QSER1: variants seen among roughly 807,000 people sequenced by gnomAD.
QSER1 encodes the protein glutamine and serine-rich protein 1.
Under a neutral mutation model 158.5 loss-of-function variants are expected in QSER1, and 49 were observed. The observed-to-expected ratio is 0.31, with a 90% CI of 0.25 to 0.39. QSER1 has a LOEUF of 0.39. QSER1 is among the 10% of genes least tolerant of loss of function. The probability of loss-of-function intolerance (pLI) is 1.00; values close to 1 mark genes in which losing one functional copy is unlikely to be tolerated. For synonymous variants in QSER1, 650 were observed against 715.5 expected, an observed-to-expected ratio of 0.91 and a Z score of 1.46; for missense variants, 1,754 against 2,010.3, an observed-to-expected ratio of 0.87 and a Z score of 2.44.
chr11:32,905,696 G>A (rs1458549326), intron 1 of QSER1, among the ~76,000 whole-genome samples: 2 of 151,986 alleles, frequency 1.3e-5, no homozygotes, highest in Admixed American at 6.6e-5. Flanking sequence ...TCTAAGACTC[G>A]TAAGTTGTGT....
intron 12 of QSER1, chr11:32,975,707 TATTA>T (rs974677354): frequency 9.4e-7 from 1 of 1,065,646 alleles, no homozygotes; most frequent in African/African-American, 1.7e-5. Context: ...CTGCCTTACT[TATTA>T]CTTAGAATGG....
At chr11:32,956,803 T>C (rs968846167) in intron 7 of QSER1, among the ~76,000 whole-genome samples, 2 of 152,156 alleles carry the variant, frequency 1.3e-5, no homozygotes, top group Non-Finnish European at 2.9e-5. Context: ...TGAGACAGGG[T>C]CTCACCCTGT....
chr11:32,927,500 C>T (rs540647295), intron 2 of QSER1, among the ~76,000 whole-genome samples: 5 of 152,200 alleles, frequency 3.3e-5, no homozygotes, highest in Non-Finnish European at 5.9e-5. Context: ...CTCCACCTCC[C>T]GGGTTCAAGT....
intron 1 of QSER1, among the ~76,000 whole-genome samples, chr11:32,901,735 T>C (rs149621041): frequency 1.1e-4 from 16 of 152,284 alleles, no homozygotes; most frequent in Admixed American, 7.8e-4. Flanking sequence ...GCGTTGGTAC[T>C]AGATTTTAGA....
Position 32,893,938 on chromosome 11 carries a change from G to A in QSER1, c.209+604G>A, listed in dbSNP as rs939184619. Among the ~76,000 whole-genome samples the A allele has an allele frequency of 1.1e-4, 17 of 152,342 alleles. No individual in the cohort carries two copies. Among genetic ancestry groups the A allele is most frequent in the African/African-American group, 4.1e-4 (17 of 41,572 alleles). On this transcript the variant is annotated intron_variant, in intron 1 of 12. Coordinates refer to ENST00000650167, the MANE Select transcript of QSER1 (RefSeq NM_001076786.3). This position sits in a 1 kb window ranked among gnomAD's most constrained non-coding sequence, Gnocchi z 4.7. ...CGGGTGACATATGTTTGCGCTGGTG[G>A]CCAAGATTTAGGCGATTTTTCTTCC... is the stretch of plus-strand genomic sequence containing the variant.
chr11:32,976,813 C>A lies in QSER1; in HGVS notation c.*339C>A. The A allele has an allele frequency of 4.8e-6, 1 of 209,722 alleles. No homozygotes were observed. Among genetic ancestry groups the A allele is most frequent in the Non-Finnish European group, 9.4e-6 (1 of 106,248 alleles). 13.0% of individuals were successfully genotyped at this position (209,722 alleles called of 1,614,324 possible). A position where few individuals can be genotyped will look rare whatever the true frequency, so the allele number is the denominator to read the frequency against. On this transcript the variant is annotated 3_prime_UTR_variant, in exon 13 of 13. Coordinates refer to ENST00000650167, the MANE Select transcript of QSER1 (RefSeq NM_001076786.3). ...TTTTTTTATTGCTAGAGAAGTAACA[C>A]TTAAAGTAACGATTTTTTTTTTCTG...
chr11:32,968,322 A>G (rs1253027015), intron 9 of QSER1, among the ~76,000 whole-genome samples: 1 of 152,172 alleles, frequency 6.6e-6, no homozygotes, highest in Non-Finnish European at 1.5e-5. Context: ...ATTATAAAAT[A>G]TAATAAAGTA....
intron 4 of QSER1, among the ~76,000 whole-genome samples, chr11:32,949,329 T>A (rs562850039): frequency 7.2e-5 from 11 of 152,324 alleles, no homozygotes; most frequent in African/African-American, 2.6e-4. Flanking sequence ...GTCAGTGACA[T>A]TGCTATAACA....
chr11:32,911,520 A>T (rs1439580041), intron 1 of QSER1, among the ~76,000 whole-genome samples: 1 of 152,194 alleles, frequency 6.6e-6, no homozygotes, highest in East Asian at 1.9e-4. Flanking sequence ...CCCCACCCAT[A>T]TCTTATCTCA....
chr11:32,922,066 A>G (rs75003566), intron 1 of QSER1, among the ~76,000 whole-genome samples: 17 of 152,312 alleles, frequency 1.1e-4, no homozygotes, highest in Middle Eastern at 3.4e-3. Flanking sequence ...ATGAGTATCA[A>G]CCTTTTACAC....
chr11:32,923,934 C>T (rs1403893812), intron 1 of QSER1, among the ~76,000 whole-genome samples: 1 of 152,146 alleles, frequency 6.6e-6, no homozygotes, highest in African/African-American at 2.4e-5. Context: ...CACCACTGCA[C>T]TCCAGCCTGG....
intron 1 of QSER1, among the ~76,000 whole-genome samples, chr11:32,896,294 A>T (rs970841637): frequency 4.6e-5 from 7 of 152,204 alleles, no homozygotes; most frequent in African/African-American, 1.7e-4. Flanking sequence ...TTCGTATTTG[A>T]ATATGCACCA....
At chr11:32,897,859 C>T (rs188874923) in intron 1 of QSER1, among the ~76,000 whole-genome samples, 378 of 152,320 alleles carry the variant, frequency 2.5e-3, no homozygotes, top group Non-Finnish European at 4.2e-3. Context: ...GTAGTCATAC[C>T]TCTGTCCACT....
chr11:32,933,478 C>A lies in QSER1; in HGVS notation c.2220C>A (p.Ile740=). The A allele has an allele frequency of 6.2e-7, 1 of 1,611,798 alleles. No homozygotes were observed. The highest frequency in any genetic ancestry group is 1.1e-5 in the South Asian group (1 of 90,474). The part of the protein sequence containing the change: ...KADDRYSQSV[I]RSNSRLEDQV... ...ATGACAGATATTCTCAGAGTGTAAT[C>A]AGAAGTAATTCCCGTCTTGAAGATC... Residue 740 remains isoleucine (I), a synonymous_variant, in exon 4 of 13, where the codon ATC becomes ATA. Transcript: ENST00000650167.
chr11:32,941,509 A>G (rs1590171427), intron 4 of QSER1, among the ~76,000 whole-genome samples: 1 of 151,214 alleles, frequency 6.6e-6, no homozygotes. Flanking sequence ...GCGATAGTTT[A>G]CTGAGAATGA....
rs561428899 is a variant in QSER1 at position 32,918,406 on chromosome 11, T to C, written c.210-8751T>C. On this transcript the variant is annotated intron_variant, in intron 1 of 12. Transcript: ENST00000650167. Reference sequence around the variant, plus strand: ...AGAGGACAGAGTAAGGATGTTGTTTTTTATGGGGTGGTCAGGGAAATCTTG... The same window carrying C: ...AGAGGACAGAGTAAGGATGTTGTTTCTTATGGGGTGGTCAGGGAAATCTTG... Among the ~76,000 whole-genome samples, 28 of 151,956 alleles carry C rather than the reference T, an allele frequency of 1.8e-4. No homozygotes were observed. In the South Asian group the frequency reaches 3.1e-3, roughly 17 times the overall value.
chr11:32,938,088 T>C (rs1334524392), intron 4 of QSER1, among the ~76,000 whole-genome samples: 1 of 152,202 alleles, frequency 6.6e-6, no homozygotes, highest in Admixed American at 6.5e-5. Context: ...TGAAGGGTTA[T>C]GGTTGAGAAT....
At chr11:32,897,770 T>A (rs1482114898) in intron 1 of QSER1, among the ~76,000 whole-genome samples, 2 of 152,114 alleles carry the variant, frequency 1.3e-5, no homozygotes, top group African/African-American at 4.8e-5. Flanking sequence ...ACCAACTACC[T>A]CTTTGACCTT....
At chr11:32,960,967 T>C (rs1473919122) in intron 8 of QSER1, among the ~76,000 whole-genome samples, 1 of 152,200 alleles carries the variant, frequency 6.6e-6, no homozygotes, top group East Asian at 1.9e-4. Context: ...CCAGATACTT[T>C]GGTTTATGTG....
Sources: allele counts gnomAD v4.1 joint callset (sites outside exome capture counted in the v4.1 genomes callset), GRCh38; gene constraint gnomAD v4.1.1; non-coding constraint Gnocchi (gnomAD v3.1); transcripts MANE v1.5; gene names NCBI Gene and HGNC (gene_info 2026-07-23, HGNC 2026-07-21).